Variants in AGBL4 observed in about 807,000 individuals in gnomAD.
The protein encoded by AGBL4 is cytosolic carboxypeptidase 6.
AGBL4 carries 58 observed loss-of-function variants against 66.4 expected under a neutral mutation model. That is an observed-to-expected ratio of 0.87 (90% CI 0.71 to 1.09). The LOEUF is 1.09. Ranked by LOEUF, AGBL4 falls within the 50% of genes least tolerant of loss-of-function variation. The probability of loss-of-function intolerance (pLI) is 0.00; values close to 1 mark genes in which losing one functional copy is unlikely to be tolerated. For missense variants in AGBL4, 579 were observed against 631.0 expected (o/e 0.92, Z 0.88); for synonymous variants, 234 against 222.9 (o/e 1.05, Z -0.44).
chr1:49,074,783 C>T (rs1239316305), intron 4 of AGBL4, among the ~76,000 whole-genome samples: 1 of 152,156 alleles, frequency 6.6e-6, no homozygotes, highest in Non-Finnish European at 1.5e-5. Context: ...GCTAACATCT[C>T]ATTACTAGTC....
At chr1:48,767,738 T>C (rs1339376783) in intron 6 of AGBL4, among the ~76,000 whole-genome samples, 1 of 152,222 alleles carries the variant, frequency 6.6e-6, no homozygotes, top group East Asian at 1.9e-4. Context: ...TAATCAGTTT[T>C]AGTGTAAACA....
At chr1:49,070,135 G>A (rs1468873782) in intron 4 of AGBL4, among the ~76,000 whole-genome samples, 1 of 151,996 alleles carries the variant, frequency 6.6e-6, no homozygotes, top group African/African-American at 2.4e-5. Context: ...ATTTTGGGCT[G>A]AGACAATGGG....
chr1:49,747,202 A>C lies in AGBL4; in HGVS notation c.158-49765T>G, dbSNP rs369638310. Among the ~76,000 whole-genome samples the C allele has an allele frequency of 9.9e-5, 15 of 152,246 alleles. No individual in the cohort carries two copies. In the East Asian group the frequency reaches 2.9e-3, roughly 29 times the overall value. On this transcript the variant is annotated intron_variant, in intron 2 of 13. Coordinates refer to ENST00000371839, the MANE Select transcript of AGBL4 (RefSeq NM_032785.4). ...CCTTCATATCAAGGACTTTTGCTTT[A>C]TTCCTTTTCCACAAACTCCTCTAAA...
chr1:49,487,999 T>C (rs1206563990), intron 3 of AGBL4, among the ~76,000 whole-genome samples: 1 of 151,976 alleles, frequency 6.6e-6, no homozygotes, highest in Non-Finnish European at 1.5e-5. Flanking sequence ...GAAACCTAAA[T>C]TGAAATTAAA....
chr1:48,663,014 A>G, intron 7 of AGBL4, 138 bp downstream of exon 7: 2 of 715,844 alleles, frequency 2.8e-6, no homozygotes, highest in Non-Finnish European at 4.7e-6. Flanking sequence ...AATGGAGATC[A>G]GGTAAAATCT....
Position 49,940,247 on chromosome 1 carries a change from G to C in AGBL4, c.34+83516C>G, listed in dbSNP as rs185422497. 9.8e-5 allele frequency among the ~76,000 whole-genome samples: 15 copies of C among 152,346 alleles called. No individual in the cohort carries two copies. In the East Asian group the frequency reaches 1.2e-3, roughly 12 times the overall value. On this transcript the variant is annotated intron_variant, in intron 1 of 13. Coordinates refer to ENST00000371839, the MANE Select transcript of AGBL4 (RefSeq NM_032785.4). ...GGAGAAATAGGAACACTTTTACACT[G>C]TTGGTGGGACTGTAATTAGTTCAAC...
At chr1:48,918,875 G>A (rs1653847099) in intron 5 of AGBL4, among the ~76,000 whole-genome samples, 1 of 152,166 alleles carries the variant, frequency 6.6e-6, no homozygotes, top group African/African-American at 2.4e-5. Flanking sequence ...CATCTCTCTT[G>A]AGTGGCCAGG....
chr1:49,695,540 T>C (rs1646967386), intron 3 of AGBL4, among the ~76,000 whole-genome samples: 1 of 151,692 alleles, frequency 6.6e-6, no homozygotes, highest in Non-Finnish European at 1.5e-5. Flanking sequence ...AAAGAGAGGG[T>C]TTTCCTAAGA....
intron 4 of AGBL4, among the ~76,000 whole-genome samples, chr1:49,190,070 T>C (rs1647087078): frequency 6.6e-6 from 1 of 152,202 alleles, no homozygotes; most frequent in African/African-American, 2.4e-5. Context: ...TGCTAGCCTG[T>C]TCTATGTGAT....
chr1:49,941,056 G>C (rs1654709104), intron 1 of AGBL4, among the ~76,000 whole-genome samples: 1 of 151,990 alleles, frequency 6.6e-6, no homozygotes, highest in Admixed American at 6.6e-5. Context: ...CCAACAAATT[G>C]GATAATGTAG....
chr1:49,048,872 A>G (rs1177685399), intron 4 of AGBL4, among the ~76,000 whole-genome samples: 1 of 151,770 alleles, frequency 6.6e-6, no homozygotes, highest in Non-Finnish European at 1.5e-5. Context: ...AGCCTAGGCC[A>G]GTGTGGCTCA....
At chr1:49,006,218 C>T (rs1030959808) in intron 5 of AGBL4, among the ~76,000 whole-genome samples, 9 of 152,026 alleles carry the variant, frequency 5.9e-5, no homozygotes, top group South Asian at 2.1e-4. Context: ...ACTCGGGAAG[C>T]GCAAGGGGTC....
chr1:48,589,523 C>T (rs1198293593), intron 10 of AGBL4, among the ~76,000 whole-genome samples: 1 of 152,138 alleles, frequency 6.6e-6, no homozygotes, highest in Non-Finnish European at 1.5e-5. Context: ...CAAAAGCTCT[C>T]TCCCTACACC....
At chr1:48,776,096 G>A (rs1645065796) in intron 6 of AGBL4, among the ~76,000 whole-genome samples, 1 of 152,168 alleles carries the variant, frequency 6.6e-6, no homozygotes, top group African/African-American at 2.4e-5. Flanking sequence ...TCTGTGAGGA[G>A]GGACTCCCAC....
intron 5 of AGBL4, among the ~76,000 whole-genome samples, chr1:48,895,986 CTAAG>C (rs2148862585): frequency 6.6e-6 from 1 of 152,284 alleles, no homozygotes; most frequent in African/African-American, 2.4e-5. Context: ...AGTATTGGAA[CTAAG>C]TGTTTATGCT....
chr1:48,974,515 G>A (rs963484360), intron 5 of AGBL4, among the ~76,000 whole-genome samples: 2 of 152,100 alleles, frequency 1.3e-5, no homozygotes, highest in African/African-American at 2.4e-5. Context: ...GATGAGAAAT[G>A]CCACATCCTA....
At chr1:49,107,567 C>T (rs1212040719) in intron 4 of AGBL4, among the ~76,000 whole-genome samples, 1 of 152,054 alleles carries the variant, frequency 6.6e-6, no homozygotes, top group Non-Finnish European at 1.5e-5. Context: ...TAAAGTCCTT[C>T]CATCTCCCCA....
intron 1 of AGBL4, among the ~76,000 whole-genome samples, chr1:49,964,560 G>A (rs997162274): frequency 1.3e-5 from 2 of 151,932 alleles, no homozygotes; most frequent in Admixed American, 6.6e-5. Context: ...GAATATAAGA[G>A]TCCAACCACT....
chr1:48,914,749 A>C (rs1653443835), intron 5 of AGBL4, among the ~76,000 whole-genome samples: 1 of 152,148 alleles, frequency 6.6e-6, no homozygotes, highest in Non-Finnish European at 1.5e-5. Flanking sequence ...AAAAAGAGAG[A>C]CTTTGCCTGC....
Sources: gnomAD v4.1 joint callset for allele counts (sites outside exome capture counted in the v4.1 genomes callset) on GRCh38, gnomAD v4.1.1 for gene constraint, MANE v1.5 for transcripts, NCBI Gene and HGNC (gene_info 2026-07-23, HGNC 2026-07-21) for gene names.